Variants in NEK11 observed in about 807,000 individuals in gnomAD.
NEK11 encodes serine/threonine-protein kinase Nek11.
A neutral mutation model predicts 80.7 loss-of-function variants in NEK11; 72 were observed. The observed-to-expected ratio is 0.89, with a 90% CI of 0.74 to 1.08. NEK11 has a LOEUF of 1.08. Among genes scored for constraint, NEK11 ranks in the 50% least tolerant of loss-of-function variants. The probability of loss-of-function intolerance (pLI) is 0.00; values close to 1 mark genes in which losing one functional copy is unlikely to be tolerated. For missense variants in NEK11, 764 were observed against 763.6 expected (o/e 1.00, Z -0.01); for synonymous variants, 251 against 260.7 (o/e 0.96, Z 0.36).
At chr3:131,027,411 C>G (rs4682645) in intron 1 of NEK11, 134,530 of 151,746 alleles carry the variant, frequency 0.89, 60,210 homozygotes, top group Non-Finnish European at 0.95. Flanking sequence ...TCACCGAGAA[C>G]GGGTAGTTTG....
chr3:131,164,638 C>T (rs1047867161), intron 11 of NEK11, among the ~76,000 whole-genome samples: 1 of 152,140 alleles, frequency 6.6e-6, no homozygotes, highest in African/African-American at 2.4e-5. Flanking sequence ...AGTCACATAT[C>T]TTTCACATGA....
At chr3:131,316,552 T>C (rs1230948002) in intron 17 of NEK11, among the ~76,000 whole-genome samples, 1 of 152,266 alleles carries the variant, frequency 6.6e-6, no homozygotes, top group Non-Finnish European at 1.5e-5. Flanking sequence ...TGAGAATATA[T>C]GCATTAACTA....
chr3:131,266,934 C>A (rs1462470832), intron 16 of NEK11, among the ~76,000 whole-genome samples: 2 of 152,134 alleles, frequency 1.3e-5, no homozygotes, highest in African/African-American at 4.8e-5. Context: ...ATCCCTTTAC[C>A]ATTATGCCAT....
intron 3 of NEK11, 127 bp downstream of exon 3, chr3:131,030,005 C>G (rs2064549416): frequency 1.2e-6 from 1 of 817,854 alleles, no homozygotes; most frequent in Non-Finnish European, 1.9e-6. Context: ...TGTGGGTGGC[C>G]AAGGTTGGCA....
Position 131,165,529 on chromosome 3 carries a change from C to T in NEK11, c.1176+10C>T. The T allele has an allele frequency of 6.5e-7, 1 of 1,548,818 alleles. No individual in the cohort carries two copies. Among genetic ancestry groups the T allele is most frequent in the Non-Finnish European group, 8.8e-7 (1 of 1,131,962 alleles). ...TGTTGATGTACTCCATGTAAGTACC[C>T]TCTTATTTTAAATTTTACATAAAAA... On this transcript the variant is annotated intron_variant, in intron 12 of 17. Transcript: ENST00000383366.
At chr3:131,089,238 G>A (rs1276478101) in intron 4 of NEK11, among the ~76,000 whole-genome samples, 1 of 152,262 alleles carries the variant, frequency 6.6e-6, no homozygotes, top group African/African-American at 2.4e-5. Flanking sequence ...GATTCCTTGG[G>A]TCTATGTGGA....
chr3:131,176,757 C>T lies in NEK11; in HGVS notation c.1399+5870C>T, dbSNP rs139767684. Among the ~76,000 whole-genome samples the T allele has an allele frequency of 2.7e-3, 408 of 152,252 alleles. 1 individual carries two copies. The highest frequency in any genetic ancestry group is 2.5e-3 in the Non-Finnish European group (169 of 68,016). Reference sequence around the variant, plus strand: ...AATAGGGGGAAAATTAGTCCCAGAACGTCAGGTATTCATGGGGAAAACCAG... The same window carrying T: ...AATAGGGGGAAAATTAGTCCCAGAATGTCAGGTATTCATGGGGAAAACCAG... On this transcript the variant is annotated intron_variant, in intron 14 of 17. Coordinates refer to ENST00000383366, the MANE Select transcript of NEK11 (RefSeq NM_024800.5).
intron 3 of NEK11, among the ~76,000 whole-genome samples, chr3:131,073,761 T>C (rs1459578893): frequency 1.3e-5 from 2 of 152,188 alleles, no homozygotes; most frequent in Non-Finnish European, 2.9e-5. Flanking sequence ...GAAGACAGTG[T>C]TGGGGTCCTG....
intron 3 of NEK11, among the ~76,000 whole-genome samples, chr3:131,047,162 G>A (rs6439274): frequency 0.18 from 26,603 of 151,906 alleles, 2,430 homozygotes; most frequent in Non-Finnish European, 0.21. Flanking sequence ...CTATTTCACC[G>A]AAGTTTTTTC....
At chr3:131,196,331 T>C (rs1044729042) in intron 14 of NEK11, among the ~76,000 whole-genome samples, 3 of 152,124 alleles carry the variant, frequency 2.0e-5, no homozygotes, top group Non-Finnish European at 2.9e-5. Flanking sequence ...AAAAAATAGA[T>C]TCTTACTGTA....
intron 3 of NEK11, among the ~76,000 whole-genome samples, chr3:131,043,882 C>A (rs1193111522): frequency 6.6e-6 from 1 of 152,182 alleles, no homozygotes; most frequent in Non-Finnish European, 1.5e-5. Context: ...GGTTTACCCA[C>A]AAAGGGAAGC....
At chr3:131,076,071 G>T (rs2074299760) in intron 3 of NEK11, among the ~76,000 whole-genome samples, 1 of 152,188 alleles carries the variant, frequency 6.6e-6, no homozygotes, top group South Asian at 2.1e-4. Context: ...GCAGCTGACT[G>T]ACAGAACCTA....
At position 131,044,931 on chromosome 3, in the gene NEK11, C is replaced by T. The variant is rs190059541; in HGVS notation, c.170+15053C>T. On this transcript the variant is annotated intron_variant, in intron 3 of 17. Coordinates refer to ENST00000383366, the MANE Select transcript of NEK11 (RefSeq NM_024800.5). ...AATCATAACAAACCCTCTCTTAGAC[C>T]GCAGTGCAATCAAATTAGAACTCAG... Among the ~76,000 whole-genome samples, 300 of 152,258 alleles carry T rather than the reference C, an allele frequency of 2.0e-3. 3 individuals carry two copies. The highest frequency in any genetic ancestry group is 3.3e-3 in the Non-Finnish European group (227 of 68,012).
At chr3:131,094,034 C>A (rs995947410) in intron 4 of NEK11, among the ~76,000 whole-genome samples, 1 of 149,010 alleles carries the variant, frequency 6.7e-6, no homozygotes, top group Non-Finnish European at 1.5e-5. Flanking sequence ...GTCAGCTTTA[C>A]CTTGAGATCT....
intron 17 of NEK11, among the ~76,000 whole-genome samples, chr3:131,347,718 C>G (rs1288406395): frequency 4.6e-5 from 7 of 152,090 alleles, no homozygotes; most frequent in Non-Finnish European, 1.0e-4. Flanking sequence ...ACTTTGGGAT[C>G]ACCTGAGGTC....
At chr3:131,128,633 T>C (rs2149540173) in intron 5 of NEK11, among the ~76,000 whole-genome samples, 1 of 152,378 alleles carries the variant, frequency 6.6e-6, no homozygotes, top group South Asian at 2.1e-4. Context: ...TGCAGGTTTT[T>C]GTGTGGACAT....
chr3:131,337,695 G>C (rs115039882), intron 17 of NEK11, among the ~76,000 whole-genome samples: 8 of 151,886 alleles, frequency 5.3e-5, no homozygotes, highest in Admixed American at 5.2e-4. Flanking sequence ...AGAAGTTAAT[G>C]TCTTCATTTA....
rs577958410 is a variant in NEK11 at position 131,202,805 on chromosome 3, G to A, written c.1400-25723G>A. Among the ~76,000 whole-genome samples the A allele has an allele frequency of 9.9e-5, 15 of 152,264 alleles. 1 individual carries two copies. The highest frequency in any genetic ancestry group is 6.5e-4 in the Admixed American group (10 of 15,294). ...ACACTTCTCAAACGAAGACATTTGC[G>A]CAGCCAACAGACACATGAAAAAATG... On this transcript the variant is annotated intron_variant, in intron 14 of 17. Coordinates refer to ENST00000383366, the MANE Select transcript of NEK11 (RefSeq NM_024800.5).
chr3:131,174,960 T>C, intron 14 of NEK11: 1 of 1,400,064 alleles, frequency 7.1e-7, no homozygotes. Context: ...AGCCACTCTT[T>C]AAGCAATCAC....
Sources: allele counts gnomAD v4.1 joint callset (sites outside exome capture counted in the v4.1 genomes callset), GRCh38; gene constraint gnomAD v4.1.1; transcripts MANE v1.5; gene names NCBI Gene and HGNC (gene_info 2026-07-23, HGNC 2026-07-21).